KCNIP4: variants seen among roughly 807,000 people sequenced by gnomAD.
The protein encoded by KCNIP4 is potassium voltage-gated channel interacting protein 4.
Under a neutral mutation model 34.0 loss-of-function variants are expected in KCNIP4, and 12 were observed. The ratio of observed to expected loss-of-function variants is 0.35; its 90% CI spans 0.23 to 0.57. The LOEUF (loss-of-function observed/expected upper bound fraction) is 0.57, where lower values mean the gene tolerates loss of function less well. KCNIP4 is among the 20% of genes least tolerant of loss of function. The probability of loss-of-function intolerance (pLI) is 0.83; values close to 1 mark genes in which losing one functional copy is unlikely to be tolerated. For synonymous variants in KCNIP4, 124 were observed against 102.2 expected (o/e 1.21, Z -1.29); for missense variants, 238 against 311.7 (o/e 0.76, Z 1.78).
chr4:20,794,723 G>A (rs1361610439), intron 3 of KCNIP4, among the ~76,000 whole-genome samples: 1 of 152,122 alleles, frequency 6.6e-6, no homozygotes, highest in Non-Finnish European at 1.5e-5. Context: ...TGCGATATTT[G>A]CCTAACAAAA....
intron 1 of KCNIP4, among the ~76,000 whole-genome samples, chr4:21,564,418 C>T (rs1330164580): frequency 6.6e-6 from 1 of 152,112 alleles, no homozygotes; most frequent in Admixed American, 6.6e-5. Context: ...AGAACTCACA[C>T]ATTGGAGGAG....
chr4:21,105,726 G>C (rs1325627618), intron 1 of KCNIP4, among the ~76,000 whole-genome samples: 1 of 151,576 alleles, frequency 6.6e-6, no homozygotes, highest in Non-Finnish European at 1.5e-5. Flanking sequence ...GATATTGGCT[G>C]TGGGTTTGTC....
intron 2 of KCNIP4, among the ~76,000 whole-genome samples, chr4:20,876,993 C>G (rs2149517314): frequency 6.6e-6 from 1 of 152,210 alleles, no homozygotes; most frequent in South Asian, 2.1e-4. Context: ...TCTACAGACT[C>G]TGGAAAACAT....
chr4:21,493,773 C>G (rs115143808), intron 1 of KCNIP4, among the ~76,000 whole-genome samples: 121 of 152,250 alleles, frequency 7.9e-4, no homozygotes, highest in African/African-American at 2.9e-3. Context: ...ATCTAAGACT[C>G]CCTACCATAA....
chr4:21,908,452 C>T (rs1348876046), intron 1 of KCNIP4, among the ~76,000 whole-genome samples: 2 of 152,168 alleles, frequency 1.3e-5, no homozygotes, highest in Non-Finnish European at 2.9e-5. Context: ...CACACTTATC[C>T]TTGTAATACA....
chr4:21,217,776 G>A (rs17449286), intron 1 of KCNIP4, among the ~76,000 whole-genome samples: 2,045 of 152,166 alleles, frequency 0.013, 19 homozygotes, highest in Non-Finnish European at 0.021. Flanking sequence ...AACCCTGTTT[G>A]GAGAAACTTT....
At chr4:21,264,952 A>G (rs1761701370) in intron 1 of KCNIP4, among the ~76,000 whole-genome samples, 1 of 152,000 alleles carries the variant, frequency 6.6e-6, no homozygotes, top group Admixed American at 6.6e-5. Flanking sequence ...TAAAACACTT[A>G]GCCAGGCGTG....
intron 1 of KCNIP4, among the ~76,000 whole-genome samples, chr4:21,093,465 A>G (rs930772235): frequency 6.6e-6 from 1 of 152,240 alleles, no homozygotes; most frequent in Non-Finnish European, 1.5e-5. Flanking sequence ...CCCCAGGATG[A>G]CAAGAAGGAA....
At chr4:21,362,834 G>A (rs184569776) in intron 1 of KCNIP4, among the ~76,000 whole-genome samples, 16 of 152,196 alleles carry the variant, frequency 1.1e-4, no homozygotes, top group Middle Eastern at 6.8e-3. Context: ...TTATCCCGCC[G>A]TTTATATGCA....
At chr4:21,490,708 A>G (rs1732316723) in intron 1 of KCNIP4, among the ~76,000 whole-genome samples, 1 of 152,212 alleles carries the variant, frequency 6.6e-6, no homozygotes, top group South Asian at 2.1e-4. Context: ...TTTTTACTTA[A>G]CCCAAAACAT....
At chr4:20,739,064 T>C (rs1750414754) in intron 5 of KCNIP4, among the ~76,000 whole-genome samples, 1 of 152,016 alleles carries the variant, frequency 6.6e-6, no homozygotes, top group Admixed American at 6.6e-5. Flanking sequence ...TTGCTGAGAC[T>C]TGACTAGGTA....
chr4:21,093,354 G>T, intron 1 of KCNIP4, among the ~76,000 whole-genome samples: 1 of 152,152 alleles, frequency 6.6e-6, no homozygotes, highest in East Asian at 1.9e-4. Flanking sequence ...AGTAATGAAA[G>T]CATTTACTCT....
intron 1 of KCNIP4, among the ~76,000 whole-genome samples, chr4:21,826,836 T>C (rs1722703692): frequency 1.3e-5 from 2 of 152,074 alleles, no homozygotes; most frequent in Non-Finnish European, 1.5e-5. Flanking sequence ...GAAAAGATCA[T>C]GTTTTAGCTG....
chr4:20,866,629 T>C (rs1279526286), intron 2 of KCNIP4, among the ~76,000 whole-genome samples: 3 of 152,060 alleles, frequency 2.0e-5, no homozygotes, highest in African/African-American at 7.2e-5. Context: ...ACCACTCCTA[T>C]TCAACATGGT....
intron 1 of KCNIP4, among the ~76,000 whole-genome samples, chr4:20,973,661 T>G (rs906270935): frequency 6.6e-6 from 1 of 152,198 alleles, no homozygotes; most frequent in Non-Finnish European, 1.5e-5. Flanking sequence ...ACTTTCTAGC[T>G]TTTGATTTCA....
At chr4:21,529,959 AT>A (rs1736535730) in intron 1 of KCNIP4, among the ~76,000 whole-genome samples, 1 of 152,172 alleles carries the variant, frequency 6.6e-6, no homozygotes, top group African/African-American at 2.4e-5. Context: ...AAGACTTTTC[AT>A]TCTGTCATCA....
chr4:21,866,606 G>A (rs1314139026), intron 1 of KCNIP4, among the ~76,000 whole-genome samples: 1 of 152,096 alleles, frequency 6.6e-6, no homozygotes, highest in Non-Finnish European at 1.5e-5. Context: ...GGAAAAGCAG[G>A]TATAAAGTAT....
intron 1 of KCNIP4, among the ~76,000 whole-genome samples, chr4:21,897,406 AT>A (rs1343770085): frequency 2.6e-5 from 4 of 152,072 alleles, no homozygotes; most frequent in Admixed American, 6.6e-5. Context: ...AAGTATCAGA[AT>A]TTTTTTTCTT....
intron 1 of KCNIP4, among the ~76,000 whole-genome samples, chr4:21,097,599 T>C (rs1477458088): frequency 3.3e-5 from 5 of 152,146 alleles, no homozygotes; most frequent in Non-Finnish European, 5.9e-5. Flanking sequence ...TGATCTTTGA[T>C]GTGGCTACCA....
Sources: allele counts gnomAD v4.1 joint callset (sites outside exome capture counted in the v4.1 genomes callset), GRCh38; gene constraint gnomAD v4.1.1; transcripts MANE v1.5; gene names NCBI Gene and HGNC (gene_info 2026-07-23, HGNC 2026-07-21).